Variants in RAP1A observed in about 807,000 individuals in gnomAD.
The protein encoded by RAP1A is RAP1A, member of RAS oncogene family, also known as ras-related protein Rap-1A.
Under a neutral mutation model 26.4 loss-of-function variants are expected in RAP1A, and 6 were observed. That is an observed-to-expected ratio of 0.23 (90% confidence interval 0.12 to 0.45). The LOEUF is 0.45. RAP1A is among the 20% of genes least tolerant of loss of function. The pLI is 0.99. For missense variants in RAP1A, 121 were observed against 217.2 expected (o/e 0.56, Z 2.78); for synonymous variants, 73 against 79.4 (o/e 0.92, Z 0.43).
intron 5 of RAP1A, among the ~76,000 whole-genome samples, chr1:111,704,021 T>G (rs1662104673): frequency 1.3e-5 from 2 of 152,172 alleles, no homozygotes. Context: ...CAGGCTTGTC[T>G]CAGGCTCCTG....
chr1:111,639,729 T>G (rs901120296), intron 1 of RAP1A, among the ~76,000 whole-genome samples: 1 of 152,204 alleles, frequency 6.6e-6, no homozygotes, highest in African/African-American at 2.4e-5. Flanking sequence ...TGGTAGTCAG[T>G]ACCCAGGCAT....
intron 1 of RAP1A, among the ~76,000 whole-genome samples, chr1:111,657,122 G>A (rs1368051339): frequency 6.6e-6 from 1 of 151,820 alleles, no homozygotes; most frequent in East Asian, 1.9e-4. Flanking sequence ...AAACTTCTGT[G>A]CATCAAAGAA....
intron 1 of RAP1A, among the ~76,000 whole-genome samples, chr1:111,573,321 C>G (rs1453838913): frequency 6.6e-6 from 1 of 152,158 alleles, no homozygotes; most frequent in African/African-American, 2.4e-5. Context: ...ACACTGCTTT[C>G]CACAATGGTT....
intron 1 of RAP1A, among the ~76,000 whole-genome samples, chr1:111,626,432 G>GT (rs1659403726): frequency 6.6e-6 from 1 of 151,756 alleles, no homozygotes. Flanking sequence ...TTGTAGGGAA[G>GT]TTGTTTCCTG....
chr1:111,710,617 C>G (rs545143476), intron 7 of RAP1A, among the ~76,000 whole-genome samples: 1 of 152,250 alleles, frequency 6.6e-6, no homozygotes, highest in African/African-American at 2.4e-5. Context: ...CTTAAGAGCT[C>G]CCAATTAACT....
At chr1:111,581,669 G>C (rs1268459346) in intron 1 of RAP1A, among the ~76,000 whole-genome samples, 2 of 152,102 alleles carry the variant, frequency 1.3e-5, no homozygotes, top group Non-Finnish European at 2.9e-5. Flanking sequence ...CTTTCATCTG[G>C]AAGCCCTATA....
At chr1:111,694,839 G>A (rs1046551852) in intron 2 of RAP1A, among the ~76,000 whole-genome samples, 1 of 152,098 alleles carries the variant, frequency 6.6e-6, no homozygotes, top group African/African-American at 2.4e-5. Context: ...ACAAGATGCT[G>A]CTTGAGGTCC....
intron 1 of RAP1A, chr1:111,604,839 G>C (rs1658740157): frequency 6.6e-6 from 1 of 152,240 alleles, no homozygotes; most frequent in Non-Finnish European, 1.5e-5. Flanking sequence ...CTGACTCTCT[G>C]ATGGCACCTG....
intron 1 of RAP1A, among the ~76,000 whole-genome samples, chr1:111,593,136 G>T (rs886664118): frequency 3.3e-5 from 5 of 152,158 alleles, no homozygotes; most frequent in African/African-American, 1.2e-4. Context: ...TCAGTGCTGT[G>T]GCTTGTCACA....
intron 1 of RAP1A, among the ~76,000 whole-genome samples, chr1:111,671,795 G>A (rs1660985204): frequency 6.6e-6 from 1 of 152,136 alleles, no homozygotes; most frequent in Non-Finnish European, 1.5e-5. Flanking sequence ...TTTTTGACAT[G>A]TTACATTTTA....
intron 1 of RAP1A, among the ~76,000 whole-genome samples, chr1:111,637,277 G>A (rs1659754715): frequency 6.6e-6 from 1 of 152,090 alleles, no homozygotes; most frequent in Non-Finnish European, 1.5e-5. Flanking sequence ...AATGTACATA[G>A]ATTACTTAAG....
chr1:111,557,693 T>C (rs1343465778), intron 1 of RAP1A, among the ~76,000 whole-genome samples: 1 of 152,162 alleles, frequency 6.6e-6, no homozygotes, highest in Non-Finnish European at 1.5e-5. Flanking sequence ...TTTGAGATGC[T>C]AGAAGGGATA....
upstream of RAP1A, chr1:111,619,753 G>A (rs375023785): frequency 4.6e-5 from 18 of 395,260 alleles, 1 homozygote; most frequent in East Asian, 2.2e-4. Context: ...GGCGGGGCCT[G>A]CGTGGTGCGT....
At chr1:111,629,685 A>G (rs1207262079) in intron 1 of RAP1A, among the ~76,000 whole-genome samples, 1 of 152,160 alleles carries the variant, frequency 6.6e-6, no homozygotes, top group Non-Finnish European at 1.5e-5. Flanking sequence ...TTAATAAGCA[A>G]ATGTAACTCA....
At chr1:111,553,697 C>T (rs901061949) in intron 1 of RAP1A, among the ~76,000 whole-genome samples, 9 of 152,186 alleles carry the variant, frequency 5.9e-5, no homozygotes, top group African/African-American at 1.9e-4. Context: ...TATTTTCACA[C>T]GTATACTGTG....
At chr1:111,548,027 T>A (rs1392954726) in intron 1 of RAP1A, among the ~76,000 whole-genome samples, 6 of 152,184 alleles carry the variant, frequency 3.9e-5, no homozygotes, top group Non-Finnish European at 8.8e-5. Flanking sequence ...TTTGTTTGTT[T>A]GTTTGTCTTT....
chr1:111,622,742 T>G (rs1571504336), intron 1 of RAP1A, among the ~76,000 whole-genome samples: 1 of 152,358 alleles, frequency 6.6e-6, no homozygotes. Context: ...AGCTCACATT[T>G]AAATTTTGGA....
intron 1 of RAP1A, among the ~76,000 whole-genome samples, chr1:111,614,679 G>T (rs79068589): frequency 0.025 from 3,765 of 152,258 alleles, 64 homozygotes; most frequent in Non-Finnish European, 0.035. Flanking sequence ...AGGGTATAAA[G>T]ACTTTCTTTT....
At chr1:111,706,894 C>T (rs1489782428) in intron 6 of RAP1A, 1 of 251,054 alleles carries the variant, frequency 4.0e-6, no homozygotes, top group African/African-American at 2.3e-5. Flanking sequence ...ATAGAAACTA[C>T]TTGTAATTTT....
Sources: gnomAD v4.1 joint callset for allele counts (sites outside exome capture counted in the v4.1 genomes callset) on GRCh38, gnomAD v4.1.1 for gene constraint, MANE v1.5 for transcripts, NCBI Gene and HGNC (gene_info 2026-07-23, HGNC 2026-07-21) for gene names.